The following LRMDA variants were observed in gnomAD, a reference collection of about 807,000 sequenced individuals.
LRMDA encodes leucine-rich melanocyte differentiation-associated protein.
LRMDA carries 18 observed loss-of-function variants against 29.8 expected under a neutral mutation model. The observed-to-expected ratio is 0.60, with a 90% CI of 0.42 to 0.90. LRMDA has a LOEUF of 0.90. Among genes scored for constraint, LRMDA ranks in the 40% least tolerant of loss-of-function variants. The probability of loss-of-function intolerance (pLI) is 0.00; values close to 1 mark genes in which losing one functional copy is unlikely to be tolerated. For synonymous variants in LRMDA, 125 were observed against 109.4 expected, an observed-to-expected ratio of 1.14 and a Z score of -0.89; for missense variants, 273 against 273.9, an observed-to-expected ratio of 1.00 and a Z score of 0.02.
rs12257672 is a variant in LRMDA, at chr10:75,831,675, G to A, written c.132-204333G>A. On this transcript the variant is annotated intron_variant, in intron 2 of 6. Coordinates refer to ENST00000611255, the MANE Select transcript of LRMDA (RefSeq NM_001305581.2). Reference sequence around the variant, plus strand: ...CACATTTCCTGGCCACATTGCCCTAGTAGAGGTTCTCCATGAGCTCCCCAC... The same window carrying A: ...CACATTTCCTGGCCACATTGCCCTAATAGAGGTTCTCCATGAGCTCCCCAC... 4.0e-3 allele frequency among the ~76,000 whole-genome samples: 613 copies of A among 152,284 alleles called. 3 individuals are homozygous for A. Among genetic ancestry groups the A allele is most frequent in the African/African-American group, 0.014 (595 of 41,570 alleles).
intron 2 of LRMDA, among the ~76,000 whole-genome samples, chr10:76,013,346 G>A (rs932304356): frequency 6.6e-6 from 1 of 151,750 alleles, no homozygotes; most frequent in Non-Finnish European, 1.5e-5. Context: ...AAGAGGAAGG[G>A]TCATTTTTCT....
At chr10:76,476,593 A>G (rs1218470191) in intron 6 of LRMDA, among the ~76,000 whole-genome samples, 1 of 152,134 alleles carries the variant, frequency 6.6e-6, no homozygotes, top group African/African-American at 2.4e-5. Context: ...CAGAGACACA[A>G]TAAAAAAAGA....
In LRMDA at chr10:75,949,632, G is replaced by A. The variant is rs1846538406; in HGVS notation, c.132-86376G>A. Among the ~76,000 whole-genome samples the A allele has an allele frequency of 2.0e-5, 3 of 152,088 alleles. No individual in the cohort carries two copies. The South Asian group carries it at 6.2e-4, about 32-fold the overall frequency. On this transcript the variant is annotated intron_variant, in intron 2 of 6. Coordinates refer to ENST00000611255, the MANE Select transcript of LRMDA (RefSeq NM_001305581.2). The stretch of plus-strand genomic sequence containing the variant: ...CTCATCCTTTGGCCATTACAATGAA[G>A]GGTCCCTGGGAAGCCCCAATATTAT...
At chr10:76,173,555 C>G (rs891887588) in intron 5 of LRMDA, among the ~76,000 whole-genome samples, 4 of 152,156 alleles carry the variant, frequency 2.6e-5, no homozygotes, top group Non-Finnish European at 4.4e-5. Flanking sequence ...ATATTATGAA[C>G]AACTTTATGC....
In LRMDA at chr10:76,376,859, GGAAGTCT is replaced by G. The variant is rs1433148801; in HGVS notation, c.601+52375_601+52381del. Reference sequence around the variant, plus strand: ...TTTTTCAAATGTTTGTTGGGCACTTGGAAGTCTTTTTTTTTTTTTTTTTTTTTTTTTT... The same window carrying G: ...TTTTTCAAATGTTTGTTGGGCACTTGTTTTTTTTTTTTTTTTTTTTTTTTT... On this transcript the variant is annotated intron_variant, in intron 6 of 6. Transcript: ENST00000611255. Among the ~76,000 whole-genome samples the G allele has an allele frequency of 1.4e-4, 6 of 43,426 alleles. 3 individuals carry two copies. The highest frequency in any genetic ancestry group is 3.9e-4 in the African/African-American group (6 of 15,552). The allele number at this position is 43,426 out of a possible 152,430, so 28.5% of individuals were successfully genotyped here.
chr10:76,001,778 G>A (rs1190966006), intron 2 of LRMDA, among the ~76,000 whole-genome samples: 3 of 152,098 alleles, frequency 2.0e-5, no homozygotes, highest in African/African-American at 4.8e-5. Context: ...CGCTATGCTT[G>A]TAGCTCCTCA....
At chr10:75,841,918 C>T (rs756670460) in intron 2 of LRMDA, among the ~76,000 whole-genome samples, 17 of 152,142 alleles carry the variant, frequency 1.1e-4, no homozygotes, top group South Asian at 2.1e-4. Context: ...CTTGGAGTCT[C>T]GTTTCCCCTC....
intron 3 of LRMDA, among the ~76,000 whole-genome samples, chr10:76,036,637 A>G (rs1564635747): frequency 1.3e-5 from 2 of 152,188 alleles, no homozygotes; most frequent in Non-Finnish European, 2.9e-5. Flanking sequence ...TGGCAGAGAC[A>G]TGTGAAGCCC....
At chr10:75,789,685 C>A (rs1843532806) in intron 2 of LRMDA, among the ~76,000 whole-genome samples, 1 of 152,170 alleles carries the variant, frequency 6.6e-6, no homozygotes, top group Non-Finnish European at 1.5e-5. Context: ...CATAAATGTT[C>A]TTTTTCTCTC....
At chr10:76,247,135 A>T (rs1852391502) in intron 5 of LRMDA, among the ~76,000 whole-genome samples, 1 of 152,178 alleles carries the variant, frequency 6.6e-6, no homozygotes, top group African/African-American at 2.4e-5. Flanking sequence ...TAGCTTAACT[A>T]CCCAGAGTTG....
At chr10:76,477,893 A>G (rs1262695679) in intron 6 of LRMDA, among the ~76,000 whole-genome samples, 1 of 152,192 alleles carries the variant, frequency 6.6e-6, no homozygotes, top group Non-Finnish European at 1.5e-5. Flanking sequence ...CCTTATAGAA[A>G]AATTAAATCA....
intron 2 of LRMDA, among the ~76,000 whole-genome samples, chr10:75,799,680 TTGTGTGTGTGTG>T (rs57575125): frequency 1.4e-3 from 196 of 136,214 alleles, no homozygotes; most frequent in African/African-American, 2.9e-3. Context: ...ATTCCTAGCT[TTGTGTGTGTGTG>T]TGTGTGTGTG....
chr10:75,656,132 GT>G (rs1841671930), intron 2 of LRMDA, among the ~76,000 whole-genome samples: 1 of 152,164 alleles, frequency 6.6e-6, no homozygotes, highest in African/African-American at 2.4e-5. Flanking sequence ...TCCCATAGTA[GT>G]TTTTTGAACA....
At chr10:75,863,924 C>G (rs187891406) in intron 2 of LRMDA, among the ~76,000 whole-genome samples, 156 of 152,262 alleles carry the variant, frequency 1.0e-3, no homozygotes, top group Middle Eastern at 3.4e-3. Context: ...AAATTTTGGG[C>G]CTGCCATTAG....
At position 75,564,480 on chromosome 10, in the gene LRMDA, G is replaced by A. The variant is rs575900520; in HGVS notation, c.131+125986G>A. 2.6e-4 allele frequency among the ~76,000 whole-genome samples: 40 copies of A among 152,312 alleles called. No individual in the cohort carries two copies. In the South Asian group the frequency reaches 2.9e-3, roughly 11 times the overall value. ...GAAAGGGAACTCCCTGACCCCTTGCGCTTCCCGAGTGAGGCAATGCCTCAT... is the reference window on the plus strand; with the variant it reads ...GAAAGGGAACTCCCTGACCCCTTGCACTTCCCGAGTGAGGCAATGCCTCAT... On this transcript the variant is annotated intron_variant, in intron 2 of 6. Transcript: ENST00000611255.
At chr10:76,294,036 C>T (rs561375477) in intron 5 of LRMDA, among the ~76,000 whole-genome samples, 6 of 152,252 alleles carry the variant, frequency 3.9e-5, no homozygotes, top group African/African-American at 1.2e-4. Context: ...ATACACTTTC[C>T]CACTCCACTG....
intron 2 of LRMDA, among the ~76,000 whole-genome samples, chr10:75,815,711 A>C (rs1844047422): frequency 6.6e-6 from 1 of 152,198 alleles, no homozygotes; most frequent in African/African-American, 2.4e-5. Context: ...ATGAGAGAGA[A>C]TTAACCTTTT....
intron 5 of LRMDA, among the ~76,000 whole-genome samples, chr10:76,160,100 G>A (rs1043521930): frequency 3.3e-5 from 5 of 152,054 alleles, no homozygotes; most frequent in Non-Finnish European, 7.4e-5. Context: ...TGTTGATAAG[G>A]GGGGAGGCTA....
chr10:76,162,215 C>T (rs1032626530), intron 5 of LRMDA, among the ~76,000 whole-genome samples: 7 of 151,800 alleles, frequency 4.6e-5, no homozygotes, highest in African/African-American at 9.7e-5. Flanking sequence ...AAAGTGCTTA[C>T]GAGAACAAAA....
Sources: gnomAD v4.1 joint callset for allele counts (sites outside exome capture counted in the v4.1 genomes callset) on GRCh38, gnomAD v4.1.1 for gene constraint, MANE v1.5 for transcripts, NCBI Gene and HGNC (gene_info 2026-07-23, HGNC 2026-07-21) for gene names.